ABL2: variants seen among roughly 807,000 people sequenced by gnomAD.
ABL2 encodes the protein ABL proto-oncogene 2, non-receptor tyrosine kinase.
Under a neutral mutation model 107.7 loss-of-function variants are expected in ABL2, and 49 were observed. That is an observed-to-expected ratio of 0.45 (90% CI 0.36 to 0.58). The LOEUF (loss-of-function observed/expected upper bound fraction) is 0.58. Among genes scored for constraint, ABL2 ranks in the 20% least tolerant of loss-of-function variants. The pLI, the probability that ABL2 is intolerant of heterozygous loss-of-function variation, is 0.00. For missense variants in ABL2, 1,245 were observed against 1,457.0 expected (o/e 0.85, Z 2.37); for synonymous variants, 549 against 548.6 (o/e 1.00, Z -0.01).
chr1:179,118,870 A>T (rs1015967136), intron 6 of ABL2, 106 bp from the exon 7 acceptor site: 7 of 1,238,574 alleles, frequency 5.7e-6, no homozygotes, highest in Admixed American at 2.1e-5. Flanking sequence ...GTTCGGCAAT[A>T]ATCTTTTCCC....
In ABL2 at chr1:179,108,347, G is replaced by A. The variant is rs2102574586; in HGVS notation, c.2920C>T (p.Arg974Ter). 1 of 1,614,206 alleles carries A rather than the reference G, an allele frequency of 6.2e-7. No homozygotes were observed. The highest frequency in any genetic ancestry group is 8.5e-7 in the Non-Finnish European group (1 of 1,180,032). Residue 974 changes from arginine (R) to a stop codon, truncating the protein, a stop_gained, in exon 12 of 12, where the codon CGA becomes TGA. Transcript: ENST00000502732. LOFTEE classifies it high-confidence loss of function. ...CACTTTGGTTTTACCCGTCGGGGTCGGTCCTTGTCTCCAGAGGATGTGACC... is the reference window on the plus strand; with the variant it reads ...CACTTTGGTTTTACCCGTCGGGGTCAGTCCTTGTCTCCAGAGGATGTGACC... ...HQVTSSGDKD[R>*]PRRVKPKCAP...
intron 10 of ABL2, chr1:179,110,752 T>A: frequency 1.9e-6 from 3 of 1,613,782 alleles, no homozygotes; most frequent in Non-Finnish European, 2.5e-6. Flanking sequence ...TGTTTCCAGT[T>A]TGGAGTTACT....
intron 1 of ABL2, 124 bp from the exon 2 acceptor site, chr1:179,133,498 C>T: frequency 6.8e-7 from 1 of 1,471,108 alleles, no homozygotes; most frequent in Non-Finnish European, 9.3e-7. Context: ...ACCTACTTCT[C>T]CAGCTTCGCC....
rs746256645 is a variant in ABL2, at chr1:179,108,660, T to C, written c.2607A>G (p.Leu869=). 5.0e-6 allele frequency: 8 copies of C among 1,614,228 alleles called. No individual in the cohort carries two copies. Among genetic ancestry groups the C allele is most frequent in the Non-Finnish European group, 6.8e-6 (8 of 1,180,024 alleles). The change falls in exon 12 of 12, where the codon CTA becomes CTG. Residue 869 remains leucine, a synonymous_variant. Transcript: ENST00000502732. ...ALPLRTPSGD[L]AITEKDPPGV... ...CTGGAGGGTCCTTCTCTGTAATGGC[T>C]AGATCCCCAGAGGGTGTTCTGAGAG...
In ABL2 at chr1:179,126,367, G is replaced by A; in HGVS notation, c.687+10C>T. Reference sequence around the variant, plus strand: ...GTCCATGCTTAAAGGTGGTGACCAGGGAGTCTTACCTTGCCATCTGCAGTG... The same window carrying A: ...GTCCATGCTTAAAGGTGGTGACCAGAGAGTCTTACCTTGCCATCTGCAGTG... On this transcript the variant is annotated intron_variant, in intron 4 of 11. Coordinates refer to ENST00000502732, the MANE Select transcript of ABL2 (RefSeq NM_007314.4). The surrounding 1 kb of genome is among the most constrained non-coding windows in gnomAD (Gnocchi z 4.4). The A allele has an allele frequency of 1.2e-6, 2 of 1,606,928 alleles. No individual in the cohort carries two copies. Among genetic ancestry groups the A allele is most frequent in the Non-Finnish European group, 1.7e-6 (2 of 1,173,968 alleles).
intron 1 of ABL2, among the ~76,000 whole-genome samples, chr1:179,208,470 A>G (rs1472990671): frequency 6.6e-6 from 1 of 152,192 alleles, no homozygotes; most frequent in Non-Finnish European, 1.5e-5. Flanking sequence ...TGTTGCTGCA[A>G]AGGACATGAT....
At chr1:179,180,267 G>T (rs1320593281) in intron 1 of ABL2, among the ~76,000 whole-genome samples, 1 of 152,160 alleles carries the variant, frequency 6.6e-6, no homozygotes, top group South Asian at 2.1e-4. Flanking sequence ...AATTATGAAA[G>T]CTTTGGATGC....
At chr1:179,143,139 A>AT in intron 1 of ABL2, 1 of 1,499,078 alleles carries the variant, frequency 6.7e-7, no homozygotes, top group Non-Finnish European at 9.0e-7. Context: ...TGCATGTGAC[A>AT]TTTACTCATG....
rs138653896 is a variant in ABL2 at position 179,102,212 on chromosome 1, C to T, written c.*5506G>A. On this transcript the variant is annotated 3_prime_UTR_variant, in exon 12 of 12. Coordinates refer to ENST00000502732, the MANE Select transcript of ABL2 (RefSeq NM_007314.4). Reference sequence around the variant, plus strand: ...ATTTTTAGTAGAGGTGGGGTTTCACCGTGTTAGCCAGGATGGTCTCAATCT... The same window carrying T: ...ATTTTTAGTAGAGGTGGGGTTTCACTGTGTTAGCCAGGATGGTCTCAATCT... 374 of 171,276 alleles carry T rather than the reference C, an allele frequency of 2.2e-3. 4 individuals carry two copies. The highest frequency in any genetic ancestry group is 8.6e-3 in the African/African-American group (362 of 42,002). 10.6% of individuals were successfully genotyped at this position (171,276 alleles called of 1,614,324 possible).
Position 179,104,767 on chromosome 1 carries a change from A to G in ABL2, c.*2951T>C, listed in dbSNP as rs1211863990. Reference sequence around the variant, plus strand: ...TACATGAAAGGAATCAAGCAGTGGCAGCCCAAAGGCATGCATCCAGATATA... The same window carrying G: ...TACATGAAAGGAATCAAGCAGTGGCGGCCCAAAGGCATGCATCCAGATATA... On this transcript the variant is annotated 3_prime_UTR_variant, in exon 12 of 12. Coordinates refer to ENST00000502732, the MANE Select transcript of ABL2 (RefSeq NM_007314.4). 2 of 218,512 alleles carry G rather than the reference A, an allele frequency of 9.2e-6. No individual in the cohort carries two copies. Among genetic ancestry groups the G allele is most frequent in the African/African-American group, 2.2e-5 (1 of 44,584 alleles). 13.5% of individuals were successfully genotyped at this position (218,512 alleles called of 1,614,324 possible).
At chr1:179,219,388 AAC>A (rs2124853721) in intron 1 of ABL2, among the ~76,000 whole-genome samples, 1 of 152,304 alleles carries the variant, frequency 6.6e-6, no homozygotes, top group African/African-American at 2.4e-5. Flanking sequence ...AGGTAAAAAT[AAC>A]ACAGAGAAGA....
rs554681252 is a variant in ABL2 at position 179,138,099 on chromosome 1, T to C, written c.158-4725A>G. Among the ~76,000 whole-genome samples, 448 of 152,334 alleles carry C rather than the reference T, an allele frequency of 2.9e-3. 2 individuals are homozygous for C. The highest frequency in any genetic ancestry group is 3.7e-3 in the Non-Finnish European group (254 of 68,032). On this transcript the variant is annotated intron_variant, in intron 1 of 11. Transcript: ENST00000502732. The stretch of plus-strand genomic sequence containing the variant: ...ATTTCTGAAAACAGCTGGGGTGTTT[T>C]AAGCACACAGCATTAAACCTCACTA...
At chr1:179,146,413 G>A (rs1657989736) in intron 1 of ABL2, among the ~76,000 whole-genome samples, 1 of 152,134 alleles carries the variant, frequency 6.6e-6, no homozygotes, top group Admixed American at 6.5e-5. Flanking sequence ...CTGAGAAGCA[G>A]CAGTAGCACA....
chr1:179,190,626 G>C (rs1049053976), intron 1 of ABL2, among the ~76,000 whole-genome samples: 3 of 152,044 alleles, frequency 2.0e-5, no homozygotes, highest in Non-Finnish European at 4.4e-5. Flanking sequence ...GGGGGGTGAG[G>C]GGGTGAGTGA....
chr1:179,161,971 T>G (rs1371701209), intron 1 of ABL2, among the ~76,000 whole-genome samples: 1 of 152,172 alleles, frequency 6.6e-6, no homozygotes, highest in East Asian at 1.9e-4. Flanking sequence ...CACCAGGTGA[T>G]GTCTTCTGCC....
At chr1:179,131,146 G>T in intron 3 of ABL2, 165 bp downstream of exon 3, 1 of 546,928 alleles carries the variant, frequency 1.8e-6, no homozygotes. Flanking sequence ...GTTTCACCAT[G>T]TTGGCCAGGT....
At chr1:179,178,526 C>T (rs1660185753) in intron 1 of ABL2, among the ~76,000 whole-genome samples, 2 of 151,798 alleles carry the variant, frequency 1.3e-5, no homozygotes, top group African/African-American at 4.8e-5. Context: ...ACTAAATGAC[C>T]TTATAACTAA....
intron 1 of ABL2, among the ~76,000 whole-genome samples, chr1:179,179,460 GT>G (rs146909377): frequency 2.6e-4 from 38 of 148,416 alleles, no homozygotes; most frequent in African/African-American, 5.4e-4. Flanking sequence ...ATCTTAAAGG[GT>G]TTTTTTTTTG....
chr1:179,166,124 C>A (rs1203852958), intron 1 of ABL2, among the ~76,000 whole-genome samples: 1 of 152,070 alleles, frequency 6.6e-6, no homozygotes, highest in Non-Finnish European at 1.5e-5. Flanking sequence ...AACGTCAGAC[C>A]TGACGCTAGA....
Sources: gnomAD v4.1 joint callset for allele counts (sites outside exome capture counted in the v4.1 genomes callset) on GRCh38, gnomAD v4.1.1 for gene constraint, Gnocchi (gnomAD v3.1) non-coding constraint, MANE v1.5 for transcripts, NCBI Gene and HGNC (gene_info 2026-07-23, HGNC 2026-07-21) for gene names.